MAPK12: variants seen among roughly 807,000 people sequenced by gnomAD.
MAPK12 encodes MAP kinase 12.
MAPK12 carries 49 observed loss-of-function variants against 49.1 expected under a neutral mutation model. That is an observed-to-expected ratio of 1.00 (90% CI 0.79 to 1.27). The LOEUF is 1.27. Ranked by LOEUF, MAPK12 falls within the 50% of genes most tolerant of loss-of-function variation. MAPK12 has a pLI of 0.00. For missense variants in MAPK12, 554 were observed against 502.4 expected, an observed-to-expected ratio of 1.10 and a Z score of -0.98; for synonymous variants, 251 against 209.7, an observed-to-expected ratio of 1.20 and a Z score of -1.70.
chr22:50,257,857 T>C, intron 3 of MAPK12: 1 of 743,310 alleles, frequency 1.3e-6, no homozygotes, highest in South Asian at 1.4e-5. Context: ...GGGTCCTCCC[T>C]ACCGCTTCTC....
At chr22:50,257,478 C>T (rs1304901598) in intron 3 of MAPK12, 1 of 547,644 alleles carries the variant, frequency 1.8e-6, no homozygotes, top group Non-Finnish European at 3.3e-6. Context: ...TTGAACCCTC[C>T]GCTGAAGCGC....
At chr22:50,255,418 C>T (rs769312527) in intron 10 of MAPK12, 35 bp downstream of exon 10, 5 of 1,612,824 alleles carry the variant, frequency 3.1e-6, no homozygotes, top group South Asian at 1.1e-5. Flanking sequence ...CCCCACACTC[C>T]AGCACCCGGT....
At chr22:50,253,837 A>C in intron 11 of MAPK12, 1 of 330,256 alleles carries the variant, frequency 3.0e-6, no homozygotes, top group Non-Finnish European at 5.8e-6. Flanking sequence ...CAAACTCATA[A>C]GCACACGAAT....
At chr22:50,260,769 A>C in intron 2 of MAPK12, 1 of 160,442 alleles carries the variant, frequency 6.2e-6, no homozygotes, top group Non-Finnish European at 1.4e-5. Flanking sequence ...TGGAAAGGGG[A>C]TGGGGAAGAG....
chr22:50,255,312 G>A lies in MAPK12; in HGVS notation c.909C>T (p.Gly303=), dbSNP rs199596907. ...CGAAGTAGGGATGGGCCAGCGCCTC[G>A]CCTGCCGTCACCCGCTGCTCCGCGT... ...VLDAEQRVTA[G]EALAHPYFES... is the part of the protein sequence containing the mutation. Residue 303 remains glycine, a synonymous_variant, in exon 11 of 12, where the codon GGC becomes GGT. Coordinates refer to ENST00000215659, the MANE Select transcript of MAPK12 (RefSeq NM_002969.6). The A allele has an allele frequency of 3.7e-5, 59 of 1,613,394 alleles. No individual in the cohort carries two copies. The highest frequency in any genetic ancestry group is 6.7e-5 in the East Asian group (3 of 44,880).
Position 50,253,489 on chromosome 22 carries a change from G to C in MAPK12, c.1025-9C>G. The C allele has an allele frequency of 1.4e-6, 1 of 727,628 alleles. No homozygotes were observed. The highest frequency in any genetic ancestry group is 2.2e-6 in the Non-Finnish European group (1 of 455,916). The allele number at this position is 727,628 out of a possible 1,614,324, so 45.1% of individuals were successfully genotyped here. A position where few individuals can be genotyped will look rare whatever the true frequency, so the allele number is the denominator to read the frequency against. ...CTCTTTGTAAGTAACACCTGGCGGG[G>C]GTGGGGGGGCGGGCACAACAGAGAG... is the stretch of plus-strand genomic sequence containing the variant. On this transcript the variant is annotated splice_polypyrimidine_tract_variant and intron_variant, in intron 11 of 11. Coordinates refer to ENST00000215659, the MANE Select transcript of MAPK12 (RefSeq NM_002969.6).
chr22:50,257,892 A>G (rs771646092), intron 3 of MAPK12: 5 of 770,822 alleles, frequency 6.5e-6, no homozygotes, highest in Non-Finnish European at 1.2e-5. Context: ...AAAGGTCAGC[A>G]GCTCCAGTTA....
chr22:50,260,407 C>T (rs1450148028), intron 2 of MAPK12, among the ~76,000 whole-genome samples: 3 of 151,902 alleles, frequency 2.0e-5, no homozygotes, highest in Non-Finnish European at 4.4e-5. Flanking sequence ...GCAGGAGTGA[C>T]GTGGGGGGCA....
intron 2 of MAPK12, among the ~76,000 whole-genome samples, chr22:50,259,107 T>C (rs2065182257): frequency 6.6e-6 from 1 of 152,170 alleles, no homozygotes; most frequent in Non-Finnish European, 1.5e-5. Flanking sequence ...TGAGGCTAAA[T>C]GCGTCCTCCT....
At position 50,261,341 on chromosome 22, in the gene MAPK12, GGCCCCGCCCGCCCCGCCGGCC is replaced by G. The variant is rs772649766; in HGVS notation, c.125+23_125+43del. On this transcript the variant is annotated intron_variant, in intron 1 of 11. Transcript: ENST00000215659. The stretch of plus-strand genomic sequence containing the variant: ...GCGGGAAGGCCGGGCACCCCGCGCA[GGCCCCGCCCGCCCCGCCGGCC>G]GCCCCGCCCGGCCCGCGCTCACCAC... 165 of 1,171,364 alleles carry G rather than the reference GGCCCCGCCCGCCCCGCCGGCC, an allele frequency of 1.4e-4. 5 individuals carry two copies. The highest frequency in any genetic ancestry group is 8.3e-4 in the South Asian group (21 of 25,302). The allele number at this position is 1,171,364 out of a possible 1,614,324, so 72.6% of individuals were successfully genotyped here.
At chr22:50,253,711 T>A in intron 11 of MAPK12, 1 of 576,136 alleles carries the variant, frequency 1.7e-6, no homozygotes, top group South Asian at 2.0e-5. Context: ...CCACGGTCTG[T>A]CCTAAGAGCT....
In MAPK12 at chr22:50,261,184, G is replaced by A; in HGVS notation, c.238C>T (p.His80Tyr). 5 of 1,592,650 alleles carry A rather than the reference G, an allele frequency of 3.1e-6. No individual in the cohort carries two copies. The highest frequency in any genetic ancestry group is 1.1e-5 in the South Asian group (1 of 88,326). ...CGACTCACGTTCTCGTGGCGCATGT[G>A]CTTGAGCAGGCGCAGCTCGCGGTAG... ...RAYRELRLLK[H>Y]MRHENVIGLL... Residue 80 changes from histidine (H) to tyrosine (Y), a missense_variant, in exon 2 of 12, where the codon CAC becomes TAC. Physicochemically the swap from His to Tyr is moderately conservative, Grantham distance 83 (BLOSUM62 2). Transcript: ENST00000215659.
Position 50,255,227 on chromosome 22 carries a change from CGTCAAAGGA to C in MAPK12, c.985_993del (p.Ser329_Asp331del). ...CATTCATCCAGTGTGCGGTCAACGT[CGTCAAAGGA>C]GTCATCATACTTCTGGACCTGGGGC... On this transcript the variant is annotated inframe_deletion, in exon 11 of 12. Coordinates refer to ENST00000215659, the MANE Select transcript of MAPK12 (RefSeq NM_002969.6). 1 of 1,613,972 alleles carries C rather than the reference CGTCAAAGGA, an allele frequency of 6.2e-7. No homozygotes were observed. Among genetic ancestry groups the C allele is most frequent in the East Asian group, 2.2e-5 (1 of 44,886 alleles).
intron 2 of MAPK12, 74 bp downstream of exon 2, chr22:50,261,092 CG>C: frequency 7.1e-7 from 1 of 1,415,930 alleles, no homozygotes; most frequent in Non-Finnish European, 9.3e-7. Context: ...GAGGGGTTGC[CG>C]GGTGGGGGAA....
At chr22:50,253,902 G>C (rs56184713) in intron 11 of MAPK12, 6,460 of 199,628 alleles carry the variant, frequency 0.032, 452 homozygotes, top group African/African-American at 0.15. Context: ...ACCCGTGGTC[G>C]TAAGGAGCAC....
chr22:50,253,382 C>A lies in MAPK12; in HGVS notation c.*19G>T. ...AAGGTGAAGGTGGTCCTCACTGCCACCCCGGAGCCCAGAGATCTTCACAGA... is the reference window on the plus strand; with the variant it reads ...AAGGTGAAGGTGGTCCTCACTGCCAACCCGGAGCCCAGAGATCTTCACAGA... On this transcript the variant is annotated 3_prime_UTR_variant, in exon 12 of 12. Coordinates refer to ENST00000215659, the MANE Select transcript of MAPK12 (RefSeq NM_002969.6). 1.3e-6 allele frequency: 2 copies of A among 1,542,792 alleles called. No homozygotes were observed. Among genetic ancestry groups the A allele is most frequent in the South Asian group, 1.2e-5 (1 of 83,824 alleles).
intron 2 of MAPK12, among the ~76,000 whole-genome samples, chr22:50,260,010 T>A (rs2065194019): frequency 2.1e-5 from 1 of 48,470 alleles, no homozygotes; most frequent in Non-Finnish European, 4.0e-5. Context: ...AAGGCCTTGG[T>A]GTGATGGGCG....
Position 50,261,550 on chromosome 22 carries a change from G to C in MAPK12, c.-41C>G. 1 of 1,064,202 alleles carries C rather than the reference G, an allele frequency of 9.4e-7. No homozygotes were observed. The allele number at this position is 1,064,202 out of a possible 1,614,324, so 65.9% of individuals were successfully genotyped here. A position where few individuals can be genotyped will look rare whatever the true frequency, so the allele number is the denominator to read the frequency against. On this transcript the variant is annotated 5_prime_UTR_variant, in exon 1 of 12. Transcript: ENST00000215659. ...TGCCCACCCCGCAGAGCCTGCGGGC[G>C]GTGCCCCCACGACCGGGGACGGGGC...
Position 50,255,378 on chromosome 22 carries a change from G to A in MAPK12, c.851-8C>T, listed in dbSNP as rs781536954. The stretch of plus-strand genomic sequence containing the variant: ...TCTCCAGGAGGTTCACAGCTGCGGG[G>A]GAAGGTGCATCAGGCCAGACCACGG... On this transcript the variant is annotated splice_polypyrimidine_tract_variant and splice_region_variant and intron_variant, in intron 10 of 11. Transcript: ENST00000215659. 1.8e-5 allele frequency: 29 copies of A among 1,612,838 alleles called. No homozygotes were observed. Among genetic ancestry groups the A allele is most frequent in the Non-Finnish European group, 2.4e-5 (28 of 1,179,800 alleles).
Sources: allele counts gnomAD v4.1 joint callset (sites outside exome capture counted in the v4.1 genomes callset), GRCh38; gene constraint gnomAD v4.1.1; transcripts MANE v1.5; gene names NCBI Gene and HGNC (gene_info 2026-07-23, HGNC 2026-07-21).